Variants in ANKRD12 observed in about 807,000 individuals in gnomAD.
ANKRD12 encodes the protein ankyrin repeat domain 12.
In ANKRD12, 85 loss-of-function variants were observed where a neutral mutation model predicts 183.4. The ratio of observed to expected loss-of-function variants is 0.46; its 90% CI spans 0.39 to 0.56. ANKRD12 has a LOEUF of 0.56. Among genes scored for constraint, ANKRD12 ranks in the 20% least tolerant of loss-of-function variants. ANKRD12 has a pLI of 0.00. For missense variants in ANKRD12, 2,405 were observed against 2,357.1 expected (o/e 1.02, Z -0.42); for synonymous variants, 914 against 800.2 (o/e 1.14, Z -2.40).
rs567882450 is a variant in ANKRD12 at position 9,193,995 on chromosome 18, T to C, written c.88-1556T>C. 2.0e-5 allele frequency among the ~76,000 whole-genome samples: 3 copies of C among 152,368 alleles called. No homozygotes were observed. The East Asian group carries it at 5.8e-4, about 29-fold the overall frequency. ...GTACTTAGTATTTTTGTTTGGTATGTCATTCTTTTTCTAAAATGAATTATA... is the reference window on the plus strand; with the variant it reads ...GTACTTAGTATTTTTGTTTGGTATGCCATTCTTTTTCTAAAATGAATTATA... On this transcript the variant is annotated intron_variant, in intron 2 of 12. Transcript: ENST00000262126.
intron 1 of ANKRD12, among the ~76,000 whole-genome samples, chr18:9,168,158 A>G (rs1159265171): frequency 1.3e-5 from 2 of 152,144 alleles, no homozygotes; most frequent in Non-Finnish European, 2.9e-5. Flanking sequence ...GTGTTCATCA[A>G]AGATATTGGT....
chr18:9,225,895 T>G (rs921999632), intron 8 of ANKRD12, among the ~76,000 whole-genome samples: 3 of 152,132 alleles, frequency 2.0e-5, no homozygotes, highest in African/African-American at 7.2e-5. Context: ...GCTGTTAATC[T>G]TTTGCTCTGT....
chr18:9,139,793 G>T (rs2143282487), intron 1 of ANKRD12, among the ~76,000 whole-genome samples: 1 of 152,206 alleles, frequency 6.6e-6, no homozygotes, highest in African/African-American at 2.4e-5. Context: ...TTTATCCTTG[G>T]GACAGGAAGG....
In ANKRD12 at chr18:9,256,005, A is replaced by G. The variant is rs1288927793; in HGVS notation, c.2738A>G (p.Lys913Arg). 2 of 1,562,744 alleles carry G rather than the reference A, an allele frequency of 1.3e-6. No homozygotes were observed. Among genetic ancestry groups the G allele is most frequent in the African/African-American group, 1.4e-5 (1 of 71,986 alleles). The change falls in exon 9 of 13, where the codon AAA becomes AGA. Residue 913 changes from lysine (K) to arginine (R), a missense_variant. Coordinates refer to ENST00000262126, the MANE Select transcript of ANKRD12 (RefSeq NM_015208.5). ...GAAAAGATGGATAGGAAACATGACAAAGAAAAGCCTGAAAAAGAGAGGCAT... is the reference window on the plus strand; with the variant it reads ...GAAAAGATGGATAGGAAACATGACAGAGAAAAGCCTGAAAAAGAGAGGCAT... Reference protein sequence around the residue: ...SREKMDRKHDKEKPEKERHLA... With the variant: ...SREKMDRKHDREKPEKERHLA...
chr18:9,271,136 A>C (rs1259130312), intron 10 of ANKRD12, among the ~76,000 whole-genome samples: 1 of 152,124 alleles, frequency 6.6e-6, no homozygotes, highest in Non-Finnish European at 1.5e-5. Context: ...TGGTGTGATC[A>C]TCATGGCTCA....
intron 5 of ANKRD12, among the ~76,000 whole-genome samples, chr18:9,209,022 A>G (rs191130384): frequency 6.6e-6 from 1 of 152,322 alleles, no homozygotes; most frequent in Non-Finnish European, 1.5e-5. Flanking sequence ...AGGGCTCTTT[A>G]CACCATGTGT....
chr18:9,225,140 A>G lies in ANKRD12; in HGVS notation c.943+3141A>G, dbSNP rs1451328501. 2.0e-5 allele frequency among the ~76,000 whole-genome samples: 2 copies of G among 99,530 alleles called. 1 individual carries two copies. Among genetic ancestry groups the G allele is most frequent in the African/African-American group, 5.8e-5 (2 of 34,322 alleles). The allele number at this position is 99,530 out of a possible 152,430, so 65.3% of individuals were successfully genotyped here. A position where few individuals can be genotyped will look rare whatever the true frequency, so the allele number is the denominator to read the frequency against. The stretch of plus-strand genomic sequence containing the variant: ...GACAAAAGGCTTGTGAACTATTTGA[A>G]TAAATAAACAATATAGGGATAGAAT... On this transcript the variant is annotated intron_variant, in intron 8 of 12. Transcript: ENST00000262126.
At chr18:9,206,631 A>G (rs1020379926) in intron 4 of ANKRD12, among the ~76,000 whole-genome samples, 5 of 152,094 alleles carry the variant, frequency 3.3e-5, no homozygotes, top group Non-Finnish European at 7.4e-5. Flanking sequence ...TAACTGAAAG[A>G]AAATAGAGTT....
chr18:9,182,796 A>G (rs761833385), intron 2 of ANKRD12, among the ~76,000 whole-genome samples: 5 of 152,176 alleles, frequency 3.3e-5, no homozygotes, highest in Non-Finnish European at 5.9e-5. Context: ...GTCATTGTCA[A>G]TGACCTGTAA....
At chr18:9,237,519 A>C (rs2037414189) in intron 8 of ANKRD12, among the ~76,000 whole-genome samples, 1 of 152,222 alleles carries the variant, frequency 6.6e-6, no homozygotes, top group South Asian at 2.1e-4. Flanking sequence ...TGGTTGATTA[A>C]ATCAATGTAT....
chr18:9,215,343 C>T (rs2036035503), intron 6 of ANKRD12, among the ~76,000 whole-genome samples: 2 of 152,060 alleles, frequency 1.3e-5, no homozygotes, highest in South Asian at 2.1e-4. Context: ...AACCCAGCTG[C>T]CAGTCTTTTG....
chr18:9,245,302 T>A (rs1015058309), intron 8 of ANKRD12, among the ~76,000 whole-genome samples: 3 of 149,306 alleles, frequency 2.0e-5, no homozygotes, highest in Non-Finnish European at 4.5e-5. Flanking sequence ...AAAAAAAAAA[T>A]TAGCCAAGCT....
chr18:9,227,430 A>G (rs1273068840), intron 8 of ANKRD12, among the ~76,000 whole-genome samples: 2 of 152,248 alleles, frequency 1.3e-5, no homozygotes, highest in Admixed American at 6.5e-5. Flanking sequence ...AAGATTTCAT[A>G]GAAGAAGATG....
At chr18:9,188,724 C>T (rs1336018792) in intron 2 of ANKRD12, among the ~76,000 whole-genome samples, 1 of 152,158 alleles carries the variant, frequency 6.6e-6, no homozygotes, top group Non-Finnish European at 1.5e-5. Context: ...TTCATATTTC[C>T]AACTTTTTCA....
chr18:9,228,034 A>G (rs2036824888), intron 8 of ANKRD12, among the ~76,000 whole-genome samples: 2 of 152,094 alleles, frequency 1.3e-5, no homozygotes, highest in South Asian at 2.1e-4. Flanking sequence ...GCTTCCACAT[A>G]TGAGTGAGAG....
Position 9,256,208 on chromosome 18 carries a change from GAAA to G in ANKRD12, c.2947_2949del (p.Lys983del), listed in dbSNP as rs745673561. 1 of 1,572,368 alleles carries G rather than the reference GAAA, an allele frequency of 6.4e-7. No individual in the cohort carries two copies. The highest frequency in any genetic ancestry group is 8.6e-7 in the Non-Finnish European group (1 of 1,166,870). On this transcript the variant is annotated inframe_deletion, in exon 9 of 13. Transcript: ENST00000262126. Reference sequence around the variant, plus strand: ...AACTAACTCCAAACACATACAGGAAGAAAAAAAATCAAGTATAGTAGACGGTAA... The same window carrying G: ...AACTAACTCCAAACACATACAGGAAGAAAAATCAAGTATAGTAGACGGTAA...
chr18:9,175,948 ACT>A (rs1567879001), intron 1 of ANKRD12, among the ~76,000 whole-genome samples: 2 of 151,888 alleles, frequency 1.3e-5, no homozygotes, highest in African/African-American at 2.4e-5. Context: ...ACCAAAAAAA[ACT>A]CTTTGTTTCC....
chr18:9,270,252 C>G (rs1310461609), intron 10 of ANKRD12, among the ~76,000 whole-genome samples: 2 of 152,164 alleles, frequency 1.3e-5, no homozygotes, highest in Non-Finnish European at 2.9e-5. Context: ...ACCCAGCCAT[C>G]CCATTACTGG....
chr18:9,275,013 G>GT (rs2039764924), intron 10 of ANKRD12, among the ~76,000 whole-genome samples: 1 of 151,534 alleles, frequency 6.6e-6, no homozygotes, highest in Non-Finnish European at 1.5e-5. Context: ...TGAGACCCCT[G>GT]TTTCTACAAA....
Sources: gnomAD v4.1 joint callset for allele counts (sites outside exome capture counted in the v4.1 genomes callset) on GRCh38, gnomAD v4.1.1 for gene constraint, MANE v1.5 for transcripts, NCBI Gene and HGNC (gene_info 2026-07-23, HGNC 2026-07-21) for gene names.